Variants in GSE1 observed in about 807,000 individuals in gnomAD.
The protein encoded by GSE1 is genetic suppressor element 1.
Under a neutral mutation model 112.6 loss-of-function variants are expected in GSE1, and 32 were observed. The ratio of observed to expected loss-of-function variants is 0.28; its 90% CI spans 0.21 to 0.38. The LOEUF (loss-of-function observed/expected upper bound fraction) is 0.38. GSE1 is among the 10% of genes least tolerant of loss of function. The pLI is 1.00. For missense variants in GSE1, 2,348 were observed against 1,699.2 expected, an observed-to-expected ratio of 1.38 and a Z score of -6.71; for synonymous variants, 1,115 against 735.6, an observed-to-expected ratio of 1.52 and a Z score of -8.35.
chr16:85,260,590 T>TG (rs1179731843), intron 1 of GSE1, among the ~76,000 whole-genome samples: 1 of 152,194 alleles, frequency 6.6e-6, no homozygotes, highest in African/African-American at 2.4e-5. Context: ...CCCAAAGTGC[T>TG]GGGATTATAG....
intron 1 of GSE1, among the ~76,000 whole-genome samples, chr16:85,348,040 G>A (rs1267738542): frequency 6.6e-6 from 1 of 152,180 alleles, no homozygotes; most frequent in Non-Finnish European, 1.5e-5. Flanking sequence ...CTTGCGCTAA[G>A]TTGGAGTGCA....
intron 1 of GSE1, among the ~76,000 whole-genome samples, chr16:85,269,408 G>A (rs1020473515): frequency 6.7e-6 from 1 of 148,774 alleles, no homozygotes; most frequent in African/African-American, 2.4e-5. Context: ...TCAGCGCAGG[G>A]TGGGAATACG....
At chr16:85,451,974 A>G (rs1400970064) in intron 2 of GSE1, among the ~76,000 whole-genome samples, 1 of 150,794 alleles carries the variant, frequency 6.6e-6, no homozygotes, top group Non-Finnish European at 1.5e-5. Flanking sequence ...TCCCCCCCTC[A>G]CCGAGTTTCT....
At chr16:85,359,500 G>T in intron 2 of GSE1, 1 of 442,728 alleles carries the variant, frequency 2.3e-6, no homozygotes, top group Non-Finnish European at 4.6e-6. Context: ...CTGAGCCTCT[G>T]TCCTCACATC....
At chr16:85,444,382 G>A (rs1043242408) in intron 2 of GSE1, among the ~76,000 whole-genome samples, 1 of 152,214 alleles carries the variant, frequency 6.6e-6, no homozygotes, top group African/African-American at 2.4e-5. Flanking sequence ...GGAGGCGAGA[G>A]AGATGGCAGG....
intron 1 of GSE1, among the ~76,000 whole-genome samples, chr16:85,620,391 T>A (rs2048654829): frequency 6.6e-6 from 1 of 152,268 alleles, no homozygotes; most frequent in Non-Finnish European, 1.5e-5. Context: ...TTGAGTGTAT[T>A]TTTGTAATGT....
intron 1 of GSE1, among the ~76,000 whole-genome samples, chr16:85,186,448 CA>C (rs11332926): frequency 0.18 from 27,550 of 151,932 alleles, 2,572 homozygotes; most frequent in Middle Eastern, 0.2. Flanking sequence ...ACTAAAAATA[CA>C]AAAATTAACT....
intron 2 of GSE1, chr16:85,490,222 C>G (rs935820693): frequency 3.3e-5 from 5 of 152,250 alleles, no homozygotes; most frequent in African/African-American, 1.2e-4. Flanking sequence ...CTCATGTTTT[C>G]TGTGTTCCCT....
chr16:85,478,370 T>C (rs1454369716), intron 2 of GSE1, among the ~76,000 whole-genome samples: 4 of 151,712 alleles, frequency 2.6e-5, no homozygotes, highest in Non-Finnish European at 5.9e-5. Context: ...CTACTAAAAA[T>C]ACAAAAATTA....
chr16:85,637,254 G>A (rs996404327), intron 2 of GSE1, among the ~76,000 whole-genome samples: 1 of 152,208 alleles, frequency 6.6e-6, no homozygotes, highest in Non-Finnish European at 1.5e-5. Context: ...TTGTACACAT[G>A]GGCTGGCGCG....
intron 1 of GSE1, among the ~76,000 whole-genome samples, chr16:85,211,692 G>T (rs935029494): frequency 2.6e-5 from 4 of 152,162 alleles, no homozygotes; most frequent in Admixed American, 1.3e-4. Context: ...TCCTGGGGAT[G>T]GGAGGTGTGG....
intron 2 of GSE1, among the ~76,000 whole-genome samples, chr16:85,549,434 TC>T (rs2044825830): frequency 6.6e-6 from 1 of 152,180 alleles, no homozygotes; most frequent in Middle Eastern, 3.2e-3. Context: ...CACCTCGGCC[TC>T]CCAAAGTGTT....
At chr16:85,515,643 G>A (rs1302532225) in intron 2 of GSE1, among the ~76,000 whole-genome samples, 4 of 151,358 alleles carry the variant, frequency 2.6e-5, no homozygotes, top group African/African-American at 7.3e-5. Flanking sequence ...AGGTCGGGGG[G>A]CGTGGAGGGC....
chr16:85,239,024 T>C (rs1478943349), intron 1 of GSE1, among the ~76,000 whole-genome samples: 1 of 151,526 alleles, frequency 6.6e-6, no homozygotes, highest in Non-Finnish European at 1.5e-5. Context: ...GCCTCCCGGG[T>C]TCAAGCAATT....
intron 1 of GSE1, among the ~76,000 whole-genome samples, chr16:85,296,385 G>A (rs949905355): frequency 1.3e-5 from 2 of 152,142 alleles, no homozygotes; most frequent in South Asian, 2.1e-4. Flanking sequence ...TGGGTGGACT[G>A]CCTGAGCTCA....
intron 1 of GSE1, among the ~76,000 whole-genome samples, chr16:85,273,949 G>A (rs1204025098): frequency 3.5e-4 from 53 of 149,604 alleles, no homozygotes; most frequent in African/African-American, 1.0e-3. Flanking sequence ...CACCCACCTC[G>A]GCCTCCCAAA....
chr16:85,638,276 C>T (rs1293719162), intron 2 of GSE1, among the ~76,000 whole-genome samples: 1 of 152,186 alleles, frequency 6.6e-6, no homozygotes, highest in Non-Finnish European at 1.5e-5. Context: ...GAAGAGGAGG[C>T]CCTCGCTGGG....
intron 2 of GSE1, among the ~76,000 whole-genome samples, chr16:85,374,486 GGT>G (rs2047374064): frequency 6.6e-6 from 1 of 151,294 alleles, no homozygotes; most frequent in Non-Finnish European, 1.5e-5. Context: ...ATTGTGTGTG[GGT>G]GTGTGGCTCT....
At chr16:85,445,052 T>C (rs552789675) in intron 2 of GSE1, among the ~76,000 whole-genome samples, 1 of 152,360 alleles carries the variant, frequency 6.6e-6, no homozygotes, top group East Asian at 1.9e-4. Context: ...GAGCGGGGGC[T>C]GTCTTTTCTG....
Sources: allele counts gnomAD v4.1 joint callset (sites outside exome capture counted in the v4.1 genomes callset), GRCh38; gene constraint gnomAD v4.1.1; transcripts MANE v1.5; gene names NCBI Gene and HGNC (gene_info 2026-07-23, HGNC 2026-07-21).